Variants in LINGO2 observed in about 807,000 individuals in gnomAD.
The protein encoded by LINGO2 is leucine-rich repeat and immunoglobulin-like domain-containing nogo receptor-interacting protein 2.
Under a neutral mutation model 30.6 loss-of-function variants are expected in LINGO2, and 14 were observed. That is an observed-to-expected ratio of 0.46 (90% confidence interval 0.30 to 0.72). The LOEUF (loss-of-function observed/expected upper bound fraction) is 0.72, where lower values mean the gene tolerates loss of function less well. LINGO2 is among the 30% of genes least tolerant of loss of function. The pLI is 0.07. For missense variants in LINGO2, 729 were observed against 751.7 expected, an observed-to-expected ratio of 0.97 and a Z score of 0.35; for synonymous variants, 317 against 288.5, an observed-to-expected ratio of 1.10 and a Z score of -1.00.
chr9:29,211,570 T>TCTCTG, the LINGO2 span, among the ~76,000 whole-genome samples: 3 of 139,040 alleles, frequency 2.2e-5, no homozygotes, highest in African/African-American at 5.1e-5. Context: ...TCTCTTCTCT[T>TCTCTG]CTCTTCTCTT....
intron 4 of LINGO2, among the ~76,000 whole-genome samples, chr9:28,017,744 G>A (rs1251828645): frequency 6.6e-6 from 1 of 152,098 alleles, no homozygotes; most frequent in Non-Finnish European, 1.5e-5. Flanking sequence ...CCATGCTCAT[G>A]GATAGGAAGA....
At position 28,197,462 on chromosome 9, in the gene LINGO2, C is replaced by T. The variant is rs73645611; in HGVS notation, c.-87+97746G>A. ...ATATAATAAAGATGGCATTTCAATTCACTAGGGAAGGCATAAATTGCTTAA... is the reference window on the plus strand; with the variant it reads ...ATATAATAAAGATGGCATTTCAATTTACTAGGGAAGGCATAAATTGCTTAA... On this transcript the variant is annotated intron_variant, in intron 4 of 5. Transcript: ENST00000379992. 6.2e-3 allele frequency among the ~76,000 whole-genome samples: 944 copies of T among 151,908 alleles called. 14 individuals carry two copies. Among genetic ancestry groups the T allele is most frequent in the African/African-American group, 0.021 (881 of 41,498 alleles).
intron 5 of LINGO2, among the ~76,000 whole-genome samples, chr9:27,999,440 G>GAC (rs1169949556): frequency 3.5e-5 from 3 of 85,596 alleles, no homozygotes; most frequent in Non-Finnish European, 6.9e-5. Context: ...AATCTTCAGA[G>GAC]AGAGAGAGAG....
chr9:28,465,247 A>G (rs1208228737), intron 2 of LINGO2, among the ~76,000 whole-genome samples: 2 of 152,238 alleles, frequency 1.3e-5, no homozygotes, highest in East Asian at 3.9e-4. Context: ...GATGGTGAAC[A>G]TAGAAATTTT....
intron 4 of LINGO2, among the ~76,000 whole-genome samples, chr9:28,228,950 C>T (rs180721485): frequency 2.6e-5 from 4 of 151,644 alleles, no homozygotes; most frequent in Admixed American, 2.0e-4. Context: ...TTTCTTATTC[C>T]TGTATTCCCA....
At chr9:28,298,965 T>A (rs915153314) in intron 3 of LINGO2, among the ~76,000 whole-genome samples, 2 of 152,242 alleles carry the variant, frequency 1.3e-5, no homozygotes, top group African/African-American at 2.4e-5. Context: ...TGAATTTTGG[T>A]ATTCTTTGTC....
At chr9:28,953,881 T>A in the LINGO2 span, among the ~76,000 whole-genome samples, 5 of 152,142 alleles carry the variant, frequency 3.3e-5, no homozygotes, top group Admixed American at 6.5e-5. Flanking sequence ...TTATTGTGAA[T>A]GGATCCTTTA....
Position 28,626,015 on chromosome 9 carries a change from A to C in LINGO2, c.-365+44185T>G, listed in dbSNP as rs190621336. ...TAAAACAAAACAAAACAAAACAAAA[A>C]AAACTACAAATTGTCTTCAAAGTGG... On this transcript the variant is annotated intron_variant, in intron 1 of 5. Transcript: ENST00000379992. 3.4e-4 allele frequency among the ~76,000 whole-genome samples: 51 copies of C among 151,646 alleles called. 1 individual carries two copies. The highest frequency in any genetic ancestry group is 6.5e-4 in the Non-Finnish European group (44 of 67,986).
the LINGO2 span, among the ~76,000 whole-genome samples, chr9:28,680,150 C>G: frequency 6.6e-6 from 1 of 152,044 alleles, no homozygotes; most frequent in African/African-American, 2.4e-5. Flanking sequence ...CTGCACCCAC[C>G]ACACCTGCTC....
At chr9:28,721,282 C>T in the LINGO2 span, among the ~76,000 whole-genome samples, 2 of 152,084 alleles carry the variant, frequency 1.3e-5, no homozygotes, top group Non-Finnish European at 2.9e-5. Context: ...CCAGAAATAT[C>T]ATTTGACCCA....
chr9:29,126,890 G>C, the LINGO2 span, among the ~76,000 whole-genome samples: 1 of 152,090 alleles, frequency 6.6e-6, no homozygotes, highest in South Asian at 2.1e-4. Flanking sequence ...AAAATGATCA[G>C]AGGCTACTCC....
the LINGO2 span, among the ~76,000 whole-genome samples, chr9:29,123,678 AAT>A: frequency 5.9e-5 from 9 of 152,226 alleles, no homozygotes; most frequent in African/African-American, 1.4e-4. Context: ...TTTATATTTT[AAT>A]ATCTTATTAT....
At chr9:28,732,832 C>T in the LINGO2 span, among the ~76,000 whole-genome samples, 25,441 of 152,086 alleles carry the variant, frequency 0.17, 2,401 homozygotes, top group Admixed American at 0.29. Context: ...ACAATCTACA[C>T]ATTCCACTTT....
At chr9:28,484,235 A>G (rs555763406) in intron 1 of LINGO2, among the ~76,000 whole-genome samples, 44 of 152,164 alleles carry the variant, frequency 2.9e-4, no homozygotes, top group African/African-American at 1.0e-3. Context: ...CTCCCATTCA[A>G]TGTGGAGTAT....
intron 2 of LINGO2, among the ~76,000 whole-genome samples, chr9:28,407,692 GAGA>G (rs910109013): frequency 2.6e-5 from 4 of 152,144 alleles, no homozygotes; most frequent in African/African-American, 4.8e-5. Context: ...AAAAAGCGGG[GAGA>G]AGGAGAGAAT....
chr9:28,826,216 A>C, the LINGO2 span, among the ~76,000 whole-genome samples: 1 of 152,162 alleles, frequency 6.6e-6, no homozygotes, highest in Non-Finnish European at 1.5e-5. Flanking sequence ...TAACTTAGGA[A>C]TGATTTCTCT....
intron 4 of LINGO2, among the ~76,000 whole-genome samples, chr9:28,085,659 T>C (rs1825889067): frequency 6.6e-6 from 1 of 152,044 alleles, no homozygotes; most frequent in Non-Finnish European, 1.5e-5. Flanking sequence ...TATAGAAATA[T>C]TCCAGCGATC....
chr9:28,044,534 T>C lies in LINGO2; in HGVS notation c.-86-32129A>G, dbSNP rs1328874757. On this transcript the variant is annotated intron_variant, in intron 4 of 5. Coordinates refer to ENST00000379992, the Ensembl canonical transcript of LINGO2. ...CATGGGTTGCTAATTTTAAAGTCCC[T>C]CCTTTCTCATATGAAGAGATAGGCC... Among the ~76,000 whole-genome samples, 4 of 152,134 alleles carry C rather than the reference T, an allele frequency of 2.6e-5. No homozygotes were observed. The East Asian group carries it at 5.8e-4, about 22-fold the overall frequency.
intron 4 of LINGO2, among the ~76,000 whole-genome samples, chr9:28,180,116 G>A (rs962893714): frequency 6.6e-6 from 1 of 152,128 alleles, no homozygotes; most frequent in Admixed American, 6.6e-5. Context: ...GTGCTTCAGT[G>A]TGGATTAGGG....
Sources: allele counts gnomAD v4.1 joint callset (sites outside exome capture counted in the v4.1 genomes callset), GRCh38; gene constraint gnomAD v4.1.1; transcripts MANE v1.5; gene names NCBI Gene and HGNC (gene_info 2026-07-23, HGNC 2026-07-21).